ENKUR: variants seen among roughly 807,000 people sequenced by gnomAD.
ENKUR encodes the protein enkurin.
ENKUR carries 19 observed loss-of-function variants against 27.6 expected under a neutral mutation model. The ratio of observed to expected loss-of-function variants is 0.69; its 90% confidence interval spans 0.48 to 1.01. The LOEUF (loss-of-function observed/expected upper bound fraction) is 1.01, where lower values mean the gene tolerates loss of function less well. ENKUR is among the 50% of genes least tolerant of loss of function. The probability of loss-of-function intolerance (pLI) is 0.00; values close to 1 mark genes in which losing one functional copy is unlikely to be tolerated. For synonymous variants in ENKUR, 117 were observed against 96.9 expected, an observed-to-expected ratio of 1.21 and a Z score of -1.22; for missense variants, 312 against 310.5, an observed-to-expected ratio of 1.00 and a Z score of -0.04.
intron 2 of ENKUR, among the ~76,000 whole-genome samples, chr10:25,032,584 A>T (rs1340423014): frequency 6.6e-6 from 1 of 151,986 alleles, no homozygotes; most frequent in Non-Finnish European, 1.5e-5. Context: ...TTTCCCCCAA[A>T]CCCACCTCCT....
intron 1 of ENKUR, among the ~76,000 whole-genome samples, chr10:25,001,822 T>A (rs933205174): frequency 2.6e-5 from 4 of 152,186 alleles, no homozygotes; most frequent in Admixed American, 2.6e-4. Flanking sequence ...CTACTGATTC[T>A]CTAATCTGTG....
chr10:25,008,196 G>C (rs1364516462), intron 1 of ENKUR, among the ~76,000 whole-genome samples: 1 of 151,930 alleles, frequency 6.6e-6, no homozygotes, highest in Non-Finnish European at 1.5e-5. Context: ...AATACTAAGA[G>C]ACCATATATT....
intron 3 of ENKUR, among the ~76,000 whole-genome samples, chr10:24,994,112 G>A (rs375117781): frequency 6.6e-6 from 1 of 152,202 alleles, no homozygotes; most frequent in African/African-American, 2.4e-5. Context: ...AGCCTTGAGG[G>A]TCCTGTTTTG....
At chr10:25,007,129 G>A (rs981395544) in intron 1 of ENKUR, among the ~76,000 whole-genome samples, 1 of 152,106 alleles carries the variant, frequency 6.6e-6, no homozygotes, top group Non-Finnish European at 1.5e-5. Context: ...GAGTCATCAT[G>A]TCTAGACAGT....
At chr10:25,045,199 T>A (rs923899821) in intron 2 of ENKUR, among the ~76,000 whole-genome samples, 12 of 152,182 alleles carry the variant, frequency 7.9e-5, no homozygotes, top group African/African-American at 2.9e-4. Context: ...TAATTTATAT[T>A]TTTAAGTGGG....
At chr10:25,010,605 C>G (rs1177829582) in intron 1 of ENKUR, among the ~76,000 whole-genome samples, 1 of 151,282 alleles carries the variant, frequency 6.6e-6, no homozygotes, top group Non-Finnish European at 1.5e-5. Flanking sequence ...TACCCCCACC[C>G]CACAACAGTC....
chr10:25,016,085 A>G lies in ENKUR; in HGVS notation c.-149T>C. 7.4e-7 allele frequency: 1 copy of G among 1,351,598 alleles called. No individual in the cohort carries two copies. Among genetic ancestry groups the G allele is most frequent in the Non-Finnish European group, 9.5e-7 (1 of 1,047,742 alleles). The allele number at this position is 1,351,598 out of a possible 1,614,324, so 83.7% of individuals were successfully genotyped here. On this transcript the variant is annotated 5_prime_UTR_variant, in exon 1 of 6. Coordinates refer to ENST00000331161, the MANE Select transcript of ENKUR (RefSeq NM_145010.4). ...CTCTCCTTCACATCGTCCCCCTTTA[A>G]CCCCCTCTTAGCAGTCCTCTCTCGG...
At chr10:25,010,405 G>C (rs1435476403) in intron 1 of ENKUR, among the ~76,000 whole-genome samples, 1 of 151,944 alleles carries the variant, frequency 6.6e-6, no homozygotes, top group Non-Finnish European at 1.5e-5. Flanking sequence ...TCAGTTTTAT[G>C]TATTCACAAA....
At chr10:25,040,288 T>A (rs886232397) in intron 2 of ENKUR, among the ~76,000 whole-genome samples, 5 of 151,876 alleles carry the variant, frequency 3.3e-5, no homozygotes, top group African/African-American at 1.2e-4. Flanking sequence ...AGTGGTGAAG[T>A]CACATGACAA....
upstream of ENKUR, among the ~76,000 whole-genome samples, chr10:25,018,995 C>T (rs1341143130): frequency 1.3e-5 from 2 of 152,112 alleles, no homozygotes; most frequent in Non-Finnish European, 2.9e-5. Context: ...TCCTTCCACC[C>T]TCACCTCTGT....
intron 1 of ENKUR, among the ~76,000 whole-genome samples, chr10:25,015,606 G>A (rs942376734): frequency 6.6e-6 from 1 of 152,004 alleles, no homozygotes; most frequent in African/African-American, 2.4e-5. Flanking sequence ...ATCACATACC[G>A]TATTAATAAG....
chr10:24,987,737 G>A (rs1192744536), intron 4 of ENKUR, among the ~76,000 whole-genome samples: 1 of 152,134 alleles, frequency 6.6e-6, no homozygotes, highest in Non-Finnish European at 1.5e-5. Flanking sequence ...ACACCAGCCT[G>A]GCAATTGGTA....
At chr10:25,024,702 A>C in intron 2 of ENKUR, 1 of 1,614,244 alleles carries the variant, frequency 6.2e-7, no homozygotes, top group South Asian at 1.1e-5. Context: ...TTGTTAGTCA[A>C]GGATTTATTT....
intron 1 of ENKUR, among the ~76,000 whole-genome samples, chr10:25,013,479 A>T (rs748178609): frequency 3.9e-5 from 6 of 152,240 alleles, no homozygotes; most frequent in Non-Finnish European, 8.8e-5. Flanking sequence ...GTTGGACATG[A>T]CTGTCAAAAT....
intron 1 of ENKUR, among the ~76,000 whole-genome samples, chr10:25,003,213 G>A (rs1232001688): frequency 6.7e-6 from 1 of 149,382 alleles, no homozygotes; most frequent in Non-Finnish European, 1.5e-5. Flanking sequence ...TTTTTTGCCC[G>A]CTCTGTTGCC....
At chr10:24,996,649 C>G (rs1007337866) in intron 2 of ENKUR, among the ~76,000 whole-genome samples, 2 of 152,222 alleles carry the variant, frequency 1.3e-5, no homozygotes, top group South Asian at 2.1e-4. Flanking sequence ...CTTGAAAATG[C>G]CTTTTCCAAT....
At chr10:25,027,913 C>A (rs531435129) in intron 2 of ENKUR, among the ~76,000 whole-genome samples, 5 of 152,018 alleles carry the variant, frequency 3.3e-5, no homozygotes, top group Non-Finnish European at 7.4e-5. Context: ...AACGAGACAA[C>A]GCAAAAATTC....
rs1849697480 is a variant in ENKUR, at chr10:24,982,846, A to G, written c.*1524T>C. On this transcript the variant is annotated 3_prime_UTR_variant, in exon 6 of 6. Transcript: ENST00000331161. ...GAGAAAAGTCTAGATTCTTTAGTAG[A>G]CATTTACAGAAAGCAAAAGAATTAG... 6.6e-6 allele frequency: 1 copy of G among 152,250 alleles called. No individual in the cohort carries two copies. Among genetic ancestry groups the G allele is most frequent in the Non-Finnish European group, 1.5e-5 (1 of 68,042 alleles). The allele number at this position is 152,250 out of a possible 1,614,324, so 9.4% of individuals were successfully genotyped here. A position where few individuals can be genotyped will look rare whatever the true frequency, so the allele number is the denominator to read the frequency against.
At chr10:25,029,027 T>G (rs1201458918) in intron 2 of ENKUR, among the ~76,000 whole-genome samples, 1 of 152,220 alleles carries the variant, frequency 6.6e-6, no homozygotes, top group Non-Finnish European at 1.5e-5. Context: ...TGAATTGTAT[T>G]ACTAAATAGT....
Sources: gnomAD v4.1 joint callset for allele counts (sites outside exome capture counted in the v4.1 genomes callset) on GRCh38, gnomAD v4.1.1 for gene constraint, MANE v1.5 for transcripts, NCBI Gene and HGNC (gene_info 2026-07-23, HGNC 2026-07-21) for gene names.